LRRC49: variants seen among roughly 807,000 people sequenced by gnomAD.
LRRC49 encodes the protein leucine-rich repeat-containing protein 49.
LRRC49 carries 50 observed loss-of-function variants against 83.3 expected under a neutral mutation model. The ratio of observed to expected loss-of-function variants is 0.60; its 90% CI spans 0.48 to 0.76. The LOEUF (loss-of-function observed/expected upper bound fraction) is 0.76, where lower values mean the gene tolerates loss of function less well. Ranked by LOEUF, LRRC49 falls within the 30% of genes least tolerant of loss-of-function variation. The pLI, the probability that LRRC49 is intolerant of heterozygous loss-of-function variation, is 0.00. For synonymous variants in LRRC49, 286 were observed against 283.3 expected (o/e 1.01, Z -0.10); for missense variants, 704 against 809.1 (o/e 0.87, Z 1.58).
In LRRC49 at chr15:70,876,748, A is replaced by T. The variant is rs143211717; in HGVS notation, c.18+3525A>T. Among the ~76,000 whole-genome samples the T allele has an allele frequency of 2.7e-3, 404 of 152,254 alleles. 1 individual carries two copies. Among genetic ancestry groups the T allele is most frequent in the African/African-American group, 9.2e-3 (381 of 41,560 alleles). ...TCCATTTTTTGCCTTTCCTCACTCTAGGTCAATATTTTACCTTCTCAAGCC... is the reference window on the plus strand; with the variant it reads ...TCCATTTTTTGCCTTTCCTCACTCTTGGTCAATATTTTACCTTCTCAAGCC... On this transcript the variant is annotated intron_variant, in intron 2 of 16. Transcript: ENST00000544974.
chr15:70,854,316 G>A (rs1474232720), intron 1 of LRRC49, among the ~76,000 whole-genome samples: 1 of 151,902 alleles, frequency 6.6e-6, no homozygotes, highest in Admixed American at 6.6e-5. Flanking sequence ...CTCGGAGGTG[G>A]AGGGCGGCTT....
At chr15:70,949,651 T>C (rs2036143961) in intron 8 of LRRC49, among the ~76,000 whole-genome samples, 1 of 152,188 alleles carries the variant, frequency 6.6e-6, no homozygotes, top group South Asian at 2.1e-4. Flanking sequence ...ATGCACATGC[T>C]TCTGTATACT....
intron 2 of LRRC49, chr15:70,882,817 C>G: frequency 1.2e-6 from 2 of 1,614,040 alleles, no homozygotes; most frequent in Non-Finnish European, 8.5e-7. Flanking sequence ...ATGCACTGGG[C>G]CTTCTTCACA....
intron 8 of LRRC49, among the ~76,000 whole-genome samples, chr15:70,951,316 A>T (rs1174116044): frequency 6.6e-6 from 1 of 152,140 alleles, no homozygotes; most frequent in Non-Finnish European, 1.5e-5. Flanking sequence ...TGGTAGTATG[A>T]TAGGAATGGC....
intron 11 of LRRC49, among the ~76,000 whole-genome samples, chr15:70,989,175 T>C (rs1461604508): frequency 6.6e-6 from 1 of 152,180 alleles, no homozygotes; most frequent in Non-Finnish European, 1.5e-5. Flanking sequence ...TGAATCTGAA[T>C]GTTGGCCTGC....
intron 6 of LRRC49, among the ~76,000 whole-genome samples, chr15:70,917,180 C>T (rs1567050919): frequency 6.6e-6 from 1 of 152,184 alleles, no homozygotes; most frequent in Non-Finnish European, 1.5e-5. Context: ...TAGGTGCTGG[C>T]CTGCAGGTGC....
chr15:71,037,832 T>G (rs558817672), intron 15 of LRRC49, among the ~76,000 whole-genome samples: 1 of 152,304 alleles, frequency 6.6e-6, no homozygotes, highest in Admixed American at 6.5e-5. Flanking sequence ...ATTCCTAATA[T>G]AGCTACTTAG....
chr15:71,037,371 T>A, intron 15 of LRRC49, 39 bp downstream of exon 15: 1 of 1,517,230 alleles, frequency 6.6e-7, no homozygotes, highest in Non-Finnish European at 8.9e-7. Flanking sequence ...AATGCCAGGA[T>A]ATATCCCACA....
rs114104681 is a variant in LRRC49, at chr15:70,915,004, A to G, written c.567+3406A>G. Reference sequence around the variant, plus strand: ...ACACTCTCTGATCTGTATGACCCATAAATGGGCTTTCCAACATTCCCATCA... The same window carrying G: ...ACACTCTCTGATCTGTATGACCCATGAATGGGCTTTCCAACATTCCCATCA... On this transcript the variant is annotated intron_variant, in intron 6 of 15. Transcript: ENST00000260382. Among the ~76,000 whole-genome samples, 683 of 152,336 alleles carry G rather than the reference A, an allele frequency of 4.5e-3. 3 individuals carry two copies. The highest frequency in any genetic ancestry group is 0.015 in the African/African-American group (643 of 41,578).
At chr15:70,954,972 G>T (rs1487196408) in intron 8 of LRRC49, among the ~76,000 whole-genome samples, 1 of 152,094 alleles carries the variant, frequency 6.6e-6, no homozygotes, top group Non-Finnish European at 1.5e-5. Flanking sequence ...GGGCACCGTG[G>T]GCTTGGGAGG....
rs2039984040 is a variant in LRRC49, at chr15:71,050,784, TTA to T, written c.*1173_*1174del. 1 of 152,242 alleles carries T rather than the reference TTA, an allele frequency of 6.6e-6. No individual in the cohort carries two copies. The highest frequency in any genetic ancestry group is 1.5e-5 in the Non-Finnish European group (1 of 68,074). 9.4% of individuals were successfully genotyped at this position (152,242 alleles called of 1,614,324 possible). A position where few individuals can be genotyped will look rare whatever the true frequency, so the allele number is the denominator to read the frequency against. ...CTTCTCCCAAAAGGCGTGCTTAACT[TTA>T]ACAGGTTACCATTTTTCTGATCATA... On this transcript the variant is annotated 3_prime_UTR_variant, in exon 16 of 16. Transcript: ENST00000260382.
intron 11 of LRRC49, among the ~76,000 whole-genome samples, chr15:70,997,572 G>A (rs747654003): frequency 3.3e-5 from 5 of 152,098 alleles, no homozygotes; most frequent in African/African-American, 9.7e-5. Flanking sequence ...CCAACATGGC[G>A]AAACCCCGTC....
intron 3 of LRRC49, among the ~76,000 whole-genome samples, chr15:70,899,930 A>G (rs1567042378): frequency 6.6e-6 from 1 of 152,156 alleles, no homozygotes; most frequent in Non-Finnish European, 1.5e-5. Flanking sequence ...TTCCTCTGGC[A>G]TTCAAACTGT....
At chr15:70,875,194 C>T (rs191038302) in intron 2 of LRRC49, among the ~76,000 whole-genome samples, 7 of 152,346 alleles carry the variant, frequency 4.6e-5, no homozygotes, top group Non-Finnish European at 8.8e-5. Context: ...TCCAATTCGG[C>T]TGCCCAGCAG....
At chr15:71,038,762 AG>A (rs1361989400) in intron 15 of LRRC49, among the ~76,000 whole-genome samples, 1 of 152,176 alleles carries the variant, frequency 6.6e-6, no homozygotes, top group Non-Finnish European at 1.5e-5. Flanking sequence ...CACCTTACAT[AG>A]TAAAAAGAAC....
chr15:71,028,310 G>C (rs148879889), intron 14 of LRRC49, among the ~76,000 whole-genome samples: 18 of 152,234 alleles, frequency 1.2e-4, no homozygotes, highest in African/African-American at 4.1e-4. Context: ...TGATCATGCT[G>C]GATAAGCTTC....
Position 71,008,485 on chromosome 15 carries a change from C to A in LRRC49, c.1276C>A (p.Leu426Met). 1 of 1,612,860 alleles carries A rather than the reference C, an allele frequency of 6.2e-7. No homozygotes were observed. The highest frequency in any genetic ancestry group is 8.5e-7 in the Non-Finnish European group (1 of 1,179,186). Residue 426 changes from leucine to methionine, a missense_variant, in exon 12 of 16, where the codon CTG becomes ATG. Transcript: ENST00000260382. ...ACTTTCCCTATATGGCTCAGGAGCA[C>A]TGGAATCTCTGGATAGGAATTGGAG... ...DTLSLYGSGALESLDRNWSVQ... is the reference protein window; with the variant it reads ...DTLSLYGSGAMESLDRNWSVQ...
At chr15:70,907,959 GC>G (rs2034388005) in intron 5 of LRRC49, 1 of 455,956 alleles carries the variant, frequency 2.2e-6, no homozygotes, top group African/African-American at 2.0e-5. Context: ...GTCAACTGAT[GC>G]CTTCATTTAC....
chr15:71,015,279 C>T (rs1457175218), intron 14 of LRRC49, among the ~76,000 whole-genome samples: 3 of 152,110 alleles, frequency 2.0e-5, no homozygotes, highest in African/African-American at 7.2e-5. Flanking sequence ...TGATATGCAG[C>T]GGCAGTCCTC....
Sources: gnomAD v4.1 joint callset for allele counts (sites outside exome capture counted in the v4.1 genomes callset) on GRCh38, gnomAD v4.1.1 for gene constraint, MANE v1.5 for transcripts, NCBI Gene and HGNC (gene_info 2026-07-23, HGNC 2026-07-21) for gene names.